Variants in HK1 observed in about 807,000 individuals in gnomAD.
The protein encoded by HK1 is hexokinase-1.
HK1 carries 28 observed loss-of-function variants against 91.6 expected under a neutral mutation model. That is an observed-to-expected ratio of 0.31 (90% CI 0.23 to 0.42). The LOEUF (loss-of-function observed/expected upper bound fraction) is 0.42, where lower values mean the gene tolerates loss of function less well. HK1 is among the 10% of genes least tolerant of loss of function. HK1 has a pLI of 1.00. For synonymous variants in HK1, 430 were observed against 468.1 expected (o/e 0.92, Z 1.05); for missense variants, 770 against 1,219.8 (o/e 0.63, Z 5.49).
chr10:69,300,885 C>T (rs111724890), intron 5 of HK1: 2 of 1,132,284 alleles, frequency 1.8e-6, no homozygotes, highest in Non-Finnish European at 2.7e-6. Context: ...CCTGGAATAC[C>T]CACAAAAACC....
At chr10:69,360,600 C>T (rs1485579051) in intron 3 of HK1, among the ~76,000 whole-genome samples, 1 of 152,200 alleles carries the variant, frequency 6.6e-6, no homozygotes, top group Non-Finnish European at 1.5e-5. Context: ...AAATCACGGT[C>T]CCCTCCTTTT....
intron 2 of HK1, among the ~76,000 whole-genome samples, chr10:69,354,855 G>T (rs866302051): frequency 6.6e-6 from 1 of 152,054 alleles, no homozygotes; most frequent in Non-Finnish European, 1.5e-5. Context: ...ATCACCTGTG[G>T]TCAGGAGTTT....
In HK1 at chr10:69,369,307, A is replaced by G; in HGVS notation, c.662A>G (p.Asp221Gly). 6.2e-7 allele frequency: 1 copy of G among 1,614,172 alleles called. No individual in the cohort carries two copies. The highest frequency in any genetic ancestry group is 8.5e-7 in the Non-Finnish European group (1 of 1,179,992). ...ACCATGATGACCTGTGGCTATGACG[A>G]CCAGCACTGTGAAGTCGGCCTGATC... The part of the protein sequence containing the change: ...VGTMMTCGYD[D>G]QHCEVGLIIG... Residue 221 changes from aspartate to glycine, a missense_variant, in exon 6 of 18, where the codon GAC (aspartate) becomes GGC (glycine). By Grantham distance (94) the Asp-to-Gly change is moderately conservative. Around this residue, in one of 7 missense-constraint regions of HK1, gnomAD observed 449 missense variants for 665.1 expected, o/e 0.68. Coordinates refer to ENST00000359426, the MANE Select transcript of HK1 (RefSeq NM_000188.3). This position sits in a 1 kb window ranked among gnomAD's most constrained non-coding sequence, Gnocchi z 4.4.
At chr10:69,312,642 G>C (rs187122711), upstream of HK1, among the ~76,000 whole-genome samples, 174 of 152,142 alleles carry the variant, frequency 1.1e-3, no homozygotes, top group Non-Finnish European at 2.0e-3. Context: ...TCAGAGAATT[G>C]AGATTAACTT....
At chr10:69,383,611 T>G (rs558041241) in intron 10 of HK1, among the ~76,000 whole-genome samples, 33 of 152,380 alleles carry the variant, frequency 2.2e-4, no homozygotes, top group African/African-American at 7.9e-4. Context: ...GGGCCAGGAT[T>G]GGCTGACCTC....
upstream of HK1, among the ~76,000 whole-genome samples, chr10:69,311,793 C>T (rs61869985): frequency 0.24 from 36,881 of 152,026 alleles, 5,332 homozygotes; most frequent in Non-Finnish European, 0.34. Flanking sequence ...CATGCCACCA[C>T]GTGCAGCTAA....
At chr10:69,315,531 G>A (rs1044248084), upstream of HK1, among the ~76,000 whole-genome samples, 1 of 152,202 alleles carries the variant, frequency 6.6e-6, no homozygotes, top group African/African-American at 2.4e-5. Context: ...GTGGGTTGGG[G>A]TCTTCCTGAG....
chr10:69,377,212 T>C (rs1839160246), intron 8 of HK1, 123 bp downstream of exon 8: 1 of 1,135,796 alleles, frequency 8.8e-7, no homozygotes, highest in African/African-American at 1.5e-5. Flanking sequence ...GCTTTCTGGG[T>C]CCGTGTCCTC....
intron 1 of HK1, among the ~76,000 whole-genome samples, chr10:69,337,603 G>A (rs757434437): frequency 6.6e-6 from 1 of 152,234 alleles, no homozygotes; most frequent in Non-Finnish European, 1.5e-5. Flanking sequence ...TTAGCAAAGG[G>A]AAGTGAATTC....
chr10:69,339,497 G>C (rs546366880), intron 1 of HK1, among the ~76,000 whole-genome samples: 2 of 152,146 alleles, frequency 1.3e-5, no homozygotes, highest in East Asian at 3.8e-4. Context: ...ACCTCATGAC[G>C]ACTCATGAAC....
At chr10:69,277,274 A>C (rs1844518805) in intron 1 of HK1, among the ~76,000 whole-genome samples, 2 of 152,138 alleles carry the variant, frequency 1.3e-5, no homozygotes, top group African/African-American at 2.4e-5. Context: ...AAGCATTTAA[A>C]ATTTTCTTTT....
intron 1 of HK1, among the ~76,000 whole-genome samples, chr10:69,341,396 A>G (rs2132671757): frequency 6.6e-6 from 1 of 151,912 alleles, no homozygotes; most frequent in East Asian, 1.9e-4. Context: ...CCTGGCCCCA[A>G]GCAATCTGCC....
chr10:69,337,438 T>C (rs1434313875), intron 1 of HK1, among the ~76,000 whole-genome samples: 1 of 152,236 alleles, frequency 6.6e-6, no homozygotes, highest in Non-Finnish European at 1.5e-5. Context: ...TGCGTGGCAC[T>C]TGGCATCCAC....
intron 14 of HK1, among the ~76,000 whole-genome samples, chr10:69,391,436 A>G (rs1387490946): frequency 6.6e-6 from 1 of 152,238 alleles, no homozygotes; most frequent in East Asian, 1.9e-4. Context: ...GAGCCCAGGA[A>G]TTTGAGATGA....
At chr10:69,274,945 A>G (rs1466160062) in intron 1 of HK1, among the ~76,000 whole-genome samples, 1 of 152,136 alleles carries the variant, frequency 6.6e-6, no homozygotes, top group Non-Finnish European at 1.5e-5. Context: ...AAATGCCCTC[A>G]TAGAGGAAAG....
At chr10:69,364,965 CT>C (rs1849625987) in intron 4 of HK1, 63 bp downstream of exon 4, 3 of 1,590,516 alleles carry the variant, frequency 1.9e-6, no homozygotes, top group South Asian at 1.1e-5. Context: ...CTAACAAGCC[CT>C]TTTCTCCACA....
intron 1 of HK1, among the ~76,000 whole-genome samples, chr10:69,278,135 A>G (rs1474970855): frequency 8.5e-5 from 13 of 152,336 alleles, no homozygotes; most frequent in African/African-American, 3.1e-4. Context: ...GAGGGGGCAG[A>G]GGAAATGAGA....
At chr10:69,331,000 C>G (rs1257535067) in intron 1 of HK1, among the ~76,000 whole-genome samples, 1 of 151,986 alleles carries the variant, frequency 6.6e-6, no homozygotes, top group African/African-American at 2.4e-5. Flanking sequence ...CCACCTCGGT[C>G]TCCTGAGTAG....
At chr10:69,326,222 A>C (rs1847368687) in intron 1 of HK1, among the ~76,000 whole-genome samples, 3 of 151,530 alleles carry the variant, frequency 2.0e-5, no homozygotes, top group Non-Finnish European at 4.4e-5. Context: ...ATATATATGT[A>C]ATTGAGATTA....
Sources: gnomAD v4.1 joint callset for allele counts (sites outside exome capture counted in the v4.1 genomes callset) on GRCh38, gnomAD v4.1.1 for gene constraint, gnomAD v4.1.1 regional missense constraint, Gnocchi (gnomAD v3.1) non-coding constraint, MANE v1.5 for transcripts, NCBI Gene and HGNC (gene_info 2026-07-23, HGNC 2026-07-21) for gene names.